Variants in DDX41 observed in about 807,000 individuals in gnomAD.
DDX41 encodes the protein probable ATP-dependent RNA helicase DDX41.
A neutral mutation model predicts 78.8 loss-of-function variants in DDX41; 50 were observed. The observed-to-expected ratio is 0.63, with a 90% CI of 0.51 to 0.80. The LOEUF (loss-of-function observed/expected upper bound fraction) is 0.80. Among genes scored for constraint, DDX41 ranks in the 30% least tolerant of loss-of-function variants. The pLI, the probability that DDX41 is intolerant of heterozygous loss-of-function variation, is 0.00. For synonymous variants in DDX41, 381 were observed against 321.5 expected (o/e 1.19, Z -1.98); for missense variants, 633 against 849.2 (o/e 0.75, Z 3.16).
rs1013249905 is a variant in DDX41, at chr5:177,515,087, C to T, written c.645-18G>A. On this transcript the variant is annotated intron_variant, in intron 7 of 16. Coordinates refer to ENST00000330503, the MANE Select transcript of DDX41 (RefSeq NM_016222.4). ...CAGATAGACTGTTGGGAGAGGATGA[C>T]CCGAGGGCCAATTTCAACAGAAGAT... The T allele has an allele frequency of 6.2e-7, 1 of 1,611,624 alleles. No individual in the cohort carries two copies. Among genetic ancestry groups the T allele is most frequent in the Non-Finnish European group, 8.5e-7 (1 of 1,178,046 alleles).
Position 177,511,774 on chromosome 5 carries a change from A to C in DDX41, c.*17T>G. 1 of 1,613,588 alleles carries C rather than the reference A, an allele frequency of 6.2e-7. No individual in the cohort carries two copies. Among genetic ancestry groups the C allele is most frequent in the Non-Finnish European group, 8.5e-7 (1 of 1,179,658 alleles). ...TTGGGGACTGAGGCCTCTTGGAGAG[A>C]AGGGAAGACTGTCGGCTCAGAAGTC... On this transcript the variant is annotated 3_prime_UTR_variant, in exon 17 of 17. Coordinates refer to ENST00000330503, the MANE Select transcript of DDX41 (RefSeq NM_016222.4).
intron 5 of DDX41, 31 bp downstream of exon 5, chr5:177,515,898 G>A (rs751703468): frequency 5.6e-6 from 9 of 1,614,184 alleles, no homozygotes; most frequent in East Asian, 2.2e-5. Flanking sequence ...ACCATCCTAA[G>A]CAAGGGCAAC....
Position 177,513,425 on chromosome 5 carries a change from A to T in DDX41, c.1158T>A (p.Ala386=). 6.2e-7 allele frequency: 1 copy of T among 1,614,186 alleles called. No individual in the cohort carries two copies. Among genetic ancestry groups the T allele is most frequent in the Non-Finnish European group, 8.5e-7 (1 of 1,180,044 alleles). ...TCACAGGCTTTACAAGGGCACTCTT[A>T]GCAAAGTTCTGAATCTTCTTCGGCA... ...ATMPKKIQNF[A]KSALVKPVTI... Residue 386 remains alanine, a synonymous_variant, in exon 11 of 17, where the codon GCT becomes GCA. Coordinates refer to ENST00000330503, the MANE Select transcript of DDX41 (RefSeq NM_016222.4). This position sits in a 1 kb window ranked among gnomAD's most constrained non-coding sequence, Gnocchi z 4.6.
At chr5:177,515,153 C>T in intron 7 of DDX41, 33 bp downstream of exon 7, 2 of 1,613,958 alleles carry the variant, frequency 1.2e-6, no homozygotes, top group Non-Finnish European at 1.7e-6. Context: ...TCCAGCCCTC[C>T]TCAAGGACCC....
rs1761191988 is a variant in DDX41 at position 177,515,667 on chromosome 5, T to C, written c.571+18A>G. Reference sequence around the variant, plus strand: ...TTTGATTATAAAAGTGTGGTATCTCTCTCCAGCCCCTGACTACCTGCAGGA... The same window carrying C: ...TTTGATTATAAAAGTGTGGTATCTCCCTCCAGCCCCTGACTACCTGCAGGA... On this transcript the variant is annotated intron_variant, in intron 6 of 16. Transcript: ENST00000330503. 6.2e-7 allele frequency: 1 copy of C among 1,613,282 alleles called. No homozygotes were observed. Among genetic ancestry groups the C allele is most frequent in the African/African-American group, 1.3e-5 (1 of 75,010 alleles).
Position 177,513,673 on chromosome 5 carries a change from C to CG in DDX41, c.1098+11dup, listed in dbSNP as rs764683746. 1.9e-6 allele frequency: 3 copies of CG among 1,612,596 alleles called. No homozygotes were observed. Among genetic ancestry groups the CG allele is most frequent in the East Asian group, 4.5e-5 (2 of 44,872 alleles). On this transcript the variant is annotated intron_variant, in intron 10 of 16. Coordinates refer to ENST00000330503, the MANE Select transcript of DDX41 (RefSeq NM_016222.4). The surrounding 1 kb of genome is among the most constrained non-coding windows in gnomAD (Gnocchi z 4.6). Reference sequence around the variant, plus strand: ...GGCGGTGCAGGGTGCCCTGGCCGGGCGGGGGCGGCACCTTGAAGTAGGAGA... The same window carrying CG: ...GGCGGTGCAGGGTGCCCTGGCCGGGCGGGGGGCGGCACCTTGAAGTAGGAGA...
rs778379292 is a variant in DDX41, at chr5:177,514,825, G to A, written c.811C>T (p.Arg271Trp). 9.3e-6 allele frequency: 15 copies of A among 1,611,758 alleles called. No homozygotes were observed. Among genetic ancestry groups the A allele is most frequent in the African/African-American group, 1.3e-5 (1 of 75,004 alleles). ...LIICPSRELA[R>W]QTHGILEYYC... The stretch of plus-strand genomic sequence containing the variant: ...TACTCCAGGATGCCATGGGTCTGCC[G>A]GGCCAGCTCCCGCTGCAGGCAGAGG... Residue 271 changes from arginine to tryptophan, a missense_variant, in exon 9 of 17, where the codon CGG becomes TGG. Arg to Trp is a moderately radical substitution (Grantham distance 101). Around this residue, in one of 6 missense-constraint regions of DDX41, gnomAD observed 151 missense variants for 169.2 expected, o/e 0.89. Transcript: ENST00000330503. The surrounding 1 kb of genome is among the most constrained non-coding windows in gnomAD (Gnocchi z 4.2).
Position 177,513,947 on chromosome 5 carries a change from C to T in DDX41, c.936-100G>A, listed in dbSNP as rs1043030647. The T allele has an allele frequency of 1.9e-5, 24 of 1,231,886 alleles. No homozygotes were observed. The highest frequency in any genetic ancestry group is 2.8e-5 in the Non-Finnish European group (24 of 858,982). The allele number at this position is 1,231,886 out of a possible 1,614,324, so 76.3% of individuals were successfully genotyped here. On this transcript the variant is annotated intron_variant, in intron 9 of 16. Transcript: ENST00000330503. The surrounding 1 kb of genome is among the most constrained non-coding windows in gnomAD (Gnocchi z 4.6). ...ATCTGCTCTGCTCTCTGTCCTCCTT[C>T]CTATTTCTTTGTCTGTCCCCTTCTC...
rs199536351 is a variant in DDX41 at position 177,516,485 on chromosome 5, T to C, written c.139-38A>G. The C allele has an allele frequency of 5.6e-6, 9 of 1,609,390 alleles. No homozygotes were observed. In the East Asian group the frequency reaches 1.8e-4, roughly 32 times the overall value. ...CCGGGATCCACAGATAGGATGGGCA[T>C]GGAGTCCACAAGGTCAGCGTCAGGA... On this transcript the variant is annotated intron_variant, in intron 2 of 16. Transcript: ENST00000330503.
At chr5:177,512,230 C>G in intron 15 of DDX41, 24 bp from the exon 16 acceptor site, 2 of 1,613,806 alleles carry the variant, frequency 1.2e-6, no homozygotes, top group Non-Finnish European at 1.7e-6. Context: ...GGGGAAGCAT[C>G]AGGGCCCATC....
Position 177,514,620 on chromosome 5 carries a change from G to A in DDX41, c.935+81C>T, listed in dbSNP as rs1761134964. 2.0e-6 allele frequency: 3 copies of A among 1,519,408 alleles called. No homozygotes were observed. Among genetic ancestry groups the A allele is most frequent in the Middle Eastern group, 1.8e-4 (1 of 5,668 alleles). 94.1% of individuals were successfully genotyped at this position (1,519,408 alleles called of 1,614,324 possible). ...GCAGCCCTCTGTGAAGATCTGTGGA[G>A]TGGCTAAGGTAAAGGGTCCTTTAGC... On this transcript the variant is annotated intron_variant, in intron 9 of 16. Coordinates refer to ENST00000330503, the MANE Select transcript of DDX41 (RefSeq NM_016222.4). The surrounding 1 kb of genome is among the most constrained non-coding windows in gnomAD (Gnocchi z 4.2).
chr5:177,516,590 T>A, intron 2 of DDX41, 135 bp downstream of exon 2: 1 of 1,384,194 alleles, frequency 7.2e-7, no homozygotes, highest in Non-Finnish European at 1.0e-6. Context: ...GTCCCTCGTT[T>A]GTCTGGGGGC....
rs1225645343 is a variant in DDX41, at chr5:177,513,431, G to A, written c.1152C>T (p.Asn384=). ...FSATMPKKIQ[N]FAKSALVKPV... is the part of the protein sequence containing the mutation. ...GCTTTACAAGGGCACTCTTAGCAAA[G>A]TTCTGAATCTTCTTCGGCATGGTGG... The change falls in exon 11 of 17, where the codon AAC becomes AAT. Residue 384 remains asparagine (N), a synonymous_variant. Coordinates refer to ENST00000330503, the MANE Select transcript of DDX41 (RefSeq NM_016222.4). This position sits in a 1 kb window ranked among gnomAD's most constrained non-coding sequence, Gnocchi z 4.6. The A allele has an allele frequency of 5.6e-6, 9 of 1,614,070 alleles. No homozygotes were observed. In the South Asian group the frequency reaches 6.6e-5, roughly 12 times the overall value.
chr5:177,516,218 A>G, intron 3 of DDX41, 25 bp from the exon 4 acceptor site: 1 of 1,614,174 alleles, frequency 6.2e-7, no homozygotes. Context: ...GGAAGATGTC[A>G]GACAGATACC....
rs1222307331 is a variant in DDX41, at chr5:177,513,619, C to T, written c.1098+66G>A. 1.9e-6 allele frequency: 3 copies of T among 1,604,016 alleles called. No homozygotes were observed. The highest frequency in any genetic ancestry group is 1.7e-5 in the Admixed American group (1 of 59,836). The stretch of plus-strand genomic sequence containing the variant: ...TTGGGGTGGCCAGGGGCATGGGGTC[C>T]CTGCAGTCTGATGTGGCGTGCAGTG... On this transcript the variant is annotated intron_variant, in intron 10 of 16. Transcript: ENST00000330503. This position sits in a 1 kb window ranked among gnomAD's most constrained non-coding sequence, Gnocchi z 4.6.
At position 177,514,683 on chromosome 5, in the gene DDX41, G is replaced by A. The variant is rs751284641; in HGVS notation, c.935+18C>T. ...TCGCAGGTGGCAGAGGTGGGGGGCA[G>A]GGAGCGCCAGCACTCACTGTCGGAT... is the stretch of plus-strand genomic sequence containing the variant. On this transcript the variant is annotated intron_variant, in intron 9 of 16. Transcript: ENST00000330503. This position sits in a 1 kb window ranked among gnomAD's most constrained non-coding sequence, Gnocchi z 4.2. The A allele has an allele frequency of 7.5e-6, 12 of 1,601,866 alleles. No homozygotes were observed. The East Asian group carries it at 1.8e-4, about 24-fold the overall frequency.
Position 177,514,024 on chromosome 5 carries a change from C to CT in DDX41, c.936-178dup. 1 of 721,578 alleles carries CT rather than the reference C, an allele frequency of 1.4e-6. No homozygotes were observed. Among genetic ancestry groups the CT allele is most frequent in the African/African-American group, 1.7e-5 (1 of 57,754 alleles). 44.7% of individuals were successfully genotyped at this position (721,578 alleles called of 1,614,324 possible). A position where few individuals can be genotyped will look rare whatever the true frequency, so the allele number is the denominator to read the frequency against. On this transcript the variant is annotated intron_variant, in intron 9 of 16. Transcript: ENST00000330503. The surrounding 1 kb of genome is among the most constrained non-coding windows in gnomAD (Gnocchi z 4.2). Reference sequence around the variant, plus strand: ...TAGCACACAGCTCTTTCCCAAGGCACTGCAGCCATCTTCACCACCGCTCGG... The same window carrying CT: ...TAGCACACAGCTCTTTCCCAAGGCACTTGCAGCCATCTTCACCACCGCTCGG...
Position 177,514,300 on chromosome 5 carries a change from C to T in DDX41, c.935+401G>A. 2.1e-6 allele frequency: 1 copy of T among 485,368 alleles called. No individual in the cohort carries two copies. Among genetic ancestry groups the T allele is most frequent in the Non-Finnish European group, 4.0e-6 (1 of 248,906 alleles). 30.1% of individuals were successfully genotyped at this position (485,368 alleles called of 1,614,324 possible). On this transcript the variant is annotated intron_variant, in intron 9 of 16. Coordinates refer to ENST00000330503, the MANE Select transcript of DDX41 (RefSeq NM_016222.4). The surrounding 1 kb of genome is among the most constrained non-coding windows in gnomAD (Gnocchi z 4.2). ...AGGACTGCACAGCACTGAAAGGACA[C>T]AGGTGCCGCTGGGATCCAGCCCTAC...
Position 177,515,807 on chromosome 5 carries a change from CG to C in DDX41, c.448del (p.Arg150ValfsTer4). 6.2e-7 allele frequency: 1 copy of C among 1,614,118 alleles called. No individual in the cohort carries two copies. Among genetic ancestry groups the C allele is most frequent in the Non-Finnish European group, 8.5e-7 (1 of 1,180,026 alleles). On this transcript the variant is annotated frameshift_variant, in exon 6 of 17. Coordinates refer to ENST00000330503, the MANE Select transcript of DDX41 (RefSeq NM_016222.4). LOFTEE classifies it high-confidence loss of function. ...DPIKTSWTPPRYVLSMSEERH... is the reference protein window; with the variant it reads ...DPIKTSWTPPXYVLSMSEERH... ...CTCTTCAGACATGCTCAGAACATAA[CG>C]GGGTGGAGTCCAGCTGTGGATGGGT...
Sources: gnomAD v4.1 joint callset for allele counts on GRCh38, gnomAD v4.1.1 for gene constraint, gnomAD v4.1.1 regional missense constraint, Gnocchi (gnomAD v3.1) non-coding constraint, MANE v1.5 for transcripts, NCBI Gene and HGNC (gene_info 2026-07-23, HGNC 2026-07-21) for gene names.